The following MATCAP2 variants were observed in gnomAD, a reference collection of about 807,000 sequenced individuals.
MATCAP2 encodes microtubule associated tyrosine carboxypeptidase 2.
chr7:36,338,524 C>A, the MATCAP2 span, among the ~76,000 whole-genome samples: 1 of 152,036 alleles, frequency 6.6e-6, no homozygotes, highest in African/African-American at 2.4e-5. Context: ...AATTCCTGGC[C>A]TCAAATGATC....
At chr7:36,333,269 C>T in the MATCAP2 span, among the ~76,000 whole-genome samples, 2 of 152,170 alleles carry the variant, frequency 1.3e-5, no homozygotes, top group Non-Finnish European at 2.9e-5. Context: ...CAAAAAATCA[C>T]ATATTAGATA....
the MATCAP2 span, among the ~76,000 whole-genome samples, chr7:36,379,847 C>CACACAGAGAGAGAG: frequency 2.0e-4 from 22 of 107,696 alleles, no homozygotes; most frequent in South Asian, 2.3e-3. Context: ...CACACACACA[C>CACACAGAGAGAGAG]AGAGAGAGAG....
At chr7:36,334,635 T>C in the MATCAP2 span, among the ~76,000 whole-genome samples, 2 of 151,730 alleles carry the variant, frequency 1.3e-5, no homozygotes, top group African/African-American at 2.4e-5. Flanking sequence ...CTAACATCTC[T>C]TGGGTGTGAA....
chr7:36,383,651 C>A, the MATCAP2 span, among the ~76,000 whole-genome samples: 1 of 152,010 alleles, frequency 6.6e-6, no homozygotes, highest in African/African-American at 2.4e-5. Context: ...CATCACACAC[C>A]AGGGTCTGTA....
chr7:36,349,966 C>G, the MATCAP2 span, among the ~76,000 whole-genome samples: 1 of 152,170 alleles, frequency 6.6e-6, no homozygotes, highest in African/African-American at 2.4e-5. Flanking sequence ...ATGGAACATA[C>G]TAAACTCAAA....
chr7:36,389,966 C>G, the MATCAP2 span: 9 of 1,613,966 alleles, frequency 5.6e-6, no homozygotes, highest in Non-Finnish European at 6.8e-6. Context: ...CTGAGACTCA[C>G]TTTTCTCTTC....
the MATCAP2 span, among the ~76,000 whole-genome samples, chr7:36,340,654 GACTTATCAGT>G: frequency 6.6e-6 from 1 of 152,284 alleles, no homozygotes; most frequent in South Asian, 2.1e-4. Flanking sequence ...AACACAGACA[GACTTATCAGT>G]GATCTGCAGC....
At chr7:36,376,391 T>C in the MATCAP2 span, among the ~76,000 whole-genome samples, 1 of 152,212 alleles carries the variant, frequency 6.6e-6, no homozygotes, top group Admixed American at 6.5e-5. Flanking sequence ...TTCCATGTAG[T>C]TCTGTGGTTT....
the MATCAP2 span, among the ~76,000 whole-genome samples, chr7:36,365,630 T>C: frequency 7.9e-5 from 12 of 151,718 alleles, no homozygotes; most frequent in African/African-American, 2.7e-4. Context: ...ACCTGGGAGG[T>C]GGAGATTGCA....
At chr7:36,374,709 C>T in the MATCAP2 span, among the ~76,000 whole-genome samples, 297 of 152,238 alleles carry the variant, frequency 2.0e-3, 1 homozygote, top group African/African-American at 6.8e-3. Flanking sequence ...CCACAACAGG[C>T]CCCGGTGTGT....
the MATCAP2 span, among the ~76,000 whole-genome samples, chr7:36,342,386 G>T: frequency 6.9e-5 from 10 of 144,462 alleles, no homozygotes; most frequent in South Asian, 1.1e-3. Flanking sequence ...CACCATGTTG[G>T]TCAGGCTGGT....
At chr7:36,335,688 A>G in the MATCAP2 span, among the ~76,000 whole-genome samples, 58 of 152,384 alleles carry the variant, frequency 3.8e-4, no homozygotes, top group Middle Eastern at 3.4e-3. Context: ...AAACAATTCA[A>G]TGCAACAGGA....
the MATCAP2 span, among the ~76,000 whole-genome samples, chr7:36,361,105 A>G: frequency 6.6e-6 from 1 of 152,268 alleles, no homozygotes; most frequent in Non-Finnish European, 1.5e-5. Context: ...ATTCGCAAGT[A>G]GGTGAATATA....
the MATCAP2 span, among the ~76,000 whole-genome samples, chr7:36,350,895 A>G: frequency 6.6e-6 from 1 of 152,184 alleles, no homozygotes; most frequent in Non-Finnish European, 1.5e-5. Flanking sequence ...TACTGGTTCC[A>G]AACTGTGGCT....
chr7:36,325,860 G>A, the MATCAP2 span: 1 of 151,922 alleles, frequency 6.6e-6, no homozygotes, highest in East Asian at 1.9e-4. Flanking sequence ...TTTTTTCAGA[G>A]CATGGTCAAG....
chr7:36,383,663 G>C, the MATCAP2 span, among the ~76,000 whole-genome samples: 3,502 of 152,250 alleles, frequency 0.023, 56 homozygotes, highest in Middle Eastern at 0.051. Context: ...GGGTCTGTAG[G>C]GGGGTGGAGA....
the MATCAP2 span, chr7:36,357,682 T>C: frequency 4.9e-4 from 462 of 936,458 alleles, no homozygotes; most frequent in Non-Finnish European, 3.7e-4. Flanking sequence ...GAAGATTCTA[T>C]AAACTTCGTA....
the MATCAP2 span, chr7:36,333,920 G>A: frequency 9.9e-6 from 16 of 1,613,976 alleles, no homozygotes; most frequent in Middle Eastern, 3.3e-4. Context: ...TTGTATTGGG[G>A]TCCTTGACAA....
chr7:36,359,581 T>G, the MATCAP2 span, among the ~76,000 whole-genome samples: 1 of 152,214 alleles, frequency 6.6e-6, no homozygotes, highest in Non-Finnish European at 1.5e-5. Context: ...GCTAAATGTC[T>G]ATTATATGTG....
Sources: allele counts gnomAD v4.1 joint callset (sites outside exome capture counted in the v4.1 genomes callset), GRCh38; gene constraint gnomAD v4.1.1; transcripts MANE v1.5; gene names NCBI Gene and HGNC (gene_info 2026-07-23, HGNC 2026-07-21).